EIF3L: variants seen among roughly 807,000 people sequenced by gnomAD.
EIF3L encodes eIEF associated protein HSPC021.
A neutral mutation model predicts 74.6 loss-of-function variants in EIF3L; 32 were observed. That is an observed-to-expected ratio of 0.43 (90% CI 0.32 to 0.58). The LOEUF (loss-of-function observed/expected upper bound fraction) is 0.58. Among genes scored for constraint, EIF3L ranks in the 20% least tolerant of loss-of-function variants. The pLI, the probability that EIF3L is intolerant of heterozygous loss-of-function variation, is 0.06. For synonymous variants in EIF3L, 256 were observed against 254.4 expected (o/e 1.01, Z -0.06); for missense variants, 474 against 707.8 (o/e 0.67, Z 3.75).
At chr22:37,865,384 C>T (rs998468784) in intron 7 of EIF3L, among the ~76,000 whole-genome samples, 3 of 151,622 alleles carry the variant, frequency 2.0e-5, no homozygotes, top group East Asian at 1.9e-4. Context: ...CGCTCGAACC[C>T]GAGAGGCAGA....
chr22:37,874,621 A>G, intron 9 of EIF3L, 97 bp downstream of exon 9: 4 of 1,379,240 alleles, frequency 2.9e-6, no homozygotes, highest in Non-Finnish European at 3.9e-6. Context: ...AGGAGAGGAA[A>G]GAGGACTGTT....
intron 5 of EIF3L, among the ~76,000 whole-genome samples, chr22:37,862,327 A>G (rs1388154106): frequency 6.6e-6 from 1 of 152,182 alleles, no homozygotes; most frequent in African/African-American, 2.4e-5. Flanking sequence ...CTCAGATGCA[A>G]GCAACATAAA....
At chr22:37,860,006 T>C (rs932883159) in intron 5 of EIF3L, among the ~76,000 whole-genome samples, 1 of 152,078 alleles carries the variant, frequency 6.6e-6, no homozygotes, top group South Asian at 2.1e-4. Flanking sequence ...AGTGAGACTC[T>C]TGTCTCAAAA....
chr22:37,860,607 A>C (rs1025150365), intron 5 of EIF3L, among the ~76,000 whole-genome samples: 3 of 152,202 alleles, frequency 2.0e-5, no homozygotes, highest in African/African-American at 7.2e-5. Context: ...TCCTGACCTC[A>C]GGTAATCCGC....
At chr22:37,864,517 G>A (rs1209841234) in intron 7 of EIF3L, among the ~76,000 whole-genome samples, 1 of 149,792 alleles carries the variant, frequency 6.7e-6, no homozygotes, top group African/African-American at 2.5e-5. Flanking sequence ...AAAAGTCCAG[G>A]TTTTGCTGTT....
At chr22:37,871,014 G>C (rs1486551494) in intron 8 of EIF3L, among the ~76,000 whole-genome samples, 1 of 152,034 alleles carries the variant, frequency 6.6e-6, no homozygotes, top group Non-Finnish European at 1.5e-5. Flanking sequence ...TGTAGTCCCA[G>C]CTACTCGGGA....
chr22:37,863,210 C>T (rs1350951308), intron 6 of EIF3L, 62 bp from the exon 7 acceptor site: 2 of 1,407,524 alleles, frequency 1.4e-6, no homozygotes, highest in Non-Finnish European at 2.0e-6. Context: ...AAGCATTCTG[C>T]AGCCTACAGA....
At chr22:37,867,238 A>T (rs1926198080) in intron 7 of EIF3L, among the ~76,000 whole-genome samples, 1 of 151,970 alleles carries the variant, frequency 6.6e-6, no homozygotes. Flanking sequence ...TCCTGGGATA[A>T]AGCAATTCTC....
intron 10 of EIF3L, chr22:37,876,720 C>G (rs151087151): frequency 9.9e-4 from 151 of 152,274 alleles, no homozygotes; most frequent in African/African-American, 3.5e-3. Flanking sequence ...TCAGTTATAT[C>G]CTCCAGCAGT....
chr22:37,877,311 C>T (rs6000924), intron 10 of EIF3L: 7,874 of 203,458 alleles, frequency 0.039, 607 homozygotes, highest in African/African-American at 0.17. Flanking sequence ...CGCTGTTGCA[C>T]GGCACATTAC....
At chr22:37,875,389 AAG>A (rs2145832311) in intron 9 of EIF3L, among the ~76,000 whole-genome samples, 1 of 152,090 alleles carries the variant, frequency 6.6e-6, no homozygotes, top group South Asian at 2.1e-4. Flanking sequence ...GAAAAAAAAA[AAG>A]AATTAAGTAA....
chr22:37,878,495 C>G (rs1327131019), intron 11 of EIF3L: 1 of 187,530 alleles, frequency 5.3e-6, no homozygotes, highest in Non-Finnish European at 1.1e-5. Context: ...TGGAATTTCG[C>G]TCTCGTTGCC....
intron 5 of EIF3L, among the ~76,000 whole-genome samples, chr22:37,860,997 T>C (rs933684430): frequency 2.6e-5 from 4 of 152,178 alleles, no homozygotes; most frequent in African/African-American, 7.2e-5. Context: ...AGAGCACTTA[T>C]CTCTTGTACG....
chr22:37,853,109 A>ACCGATGATGAGT (rs1925316746), intron 3 of EIF3L, among the ~76,000 whole-genome samples: 1 of 152,126 alleles, frequency 6.6e-6, no homozygotes, highest in Non-Finnish European at 1.5e-5. Context: ...GTAAAATGCT[A>ACCGATGATGAGT]CCGATGATGA....
intron 2 of EIF3L, among the ~76,000 whole-genome samples, chr22:37,850,976 A>G (rs1252693378): frequency 6.6e-6 from 1 of 152,192 alleles, no homozygotes; most frequent in African/African-American, 2.4e-5. Context: ...TCTCCCCTCC[A>G]ACGCACACTT....
chr22:37,849,995 C>CTG lies in EIF3L; in HGVS notation c.34-16_34-15dup, dbSNP rs760215067. ...TTCACGACTTGGCGGCTGTCCTTGACTGTGTCTCTTTCCTTCTAGGCGGCT... is the reference window on the plus strand; with the variant it reads ...TTCACGACTTGGCGGCTGTCCTTGACTGTGTGTCTCTTTCCTTCTAGGCGGCT... On this transcript the variant is annotated intron_variant, in intron 1 of 12. Coordinates refer to ENST00000652021, the MANE Select transcript of EIF3L (RefSeq NM_016091.4). 4 of 1,613,624 alleles carry CTG rather than the reference C, an allele frequency of 2.5e-6. No individual in the cohort carries two copies. In the African/African-American group the frequency reaches 4.0e-5, roughly 16 times the overall value.
intron 3 of EIF3L, among the ~76,000 whole-genome samples, chr22:37,853,678 C>T (rs1925347697): frequency 6.6e-6 from 1 of 152,010 alleles, no homozygotes; most frequent in African/African-American, 2.4e-5. Context: ...TTCAGCCAAG[C>T]GAAGTGGAGA....
At position 37,868,110 on chromosome 22, in the gene EIF3L, ATTT is replaced by A. The variant is rs545183532; in HGVS notation, c.580-2046_580-2044del. 3.6e-3 allele frequency among the ~76,000 whole-genome samples: 338 copies of A among 92,652 alleles called. 1 individual carries two copies. The highest frequency in any genetic ancestry group is 9.6e-3 in the African/African-American group (212 of 22,130). The allele number at this position is 92,652 out of a possible 152,430, so 60.8% of individuals were successfully genotyped here. A position where few individuals can be genotyped will look rare whatever the true frequency, so the allele number is the denominator to read the frequency against. On this transcript the variant is annotated intron_variant, in intron 7 of 12. Transcript: ENST00000652021. ...TTGCATTACGAGAATTCTTTGTAGGATTTTTTTTTTTTTTTTTTTTTTGAGACA... is the reference window on the plus strand; with the variant it reads ...TTGCATTACGAGAATTCTTTGTAGGATTTTTTTTTTTTTTTTTTTGAGACA...
intron 5 of EIF3L, among the ~76,000 whole-genome samples, chr22:37,860,945 C>T (rs994388064): frequency 6.6e-6 from 1 of 152,152 alleles, no homozygotes; most frequent in Non-Finnish European, 1.5e-5. Context: ...CTGAAACTTT[C>T]CCCCTCCCTC....
Sources: gnomAD v4.1 joint callset for allele counts (sites outside exome capture counted in the v4.1 genomes callset) on GRCh38, gnomAD v4.1.1 for gene constraint, MANE v1.5 for transcripts, NCBI Gene and HGNC (gene_info 2026-07-23, HGNC 2026-07-21) for gene names.